The following ITCH variants were observed in gnomAD, a reference collection of about 807,000 sequenced individuals.
ITCH encodes the protein itchy E3 ubiquitin protein ligase.
Under a neutral mutation model 126.8 loss-of-function variants are expected in ITCH, and 28 were observed. That is an observed-to-expected ratio of 0.22 (90% CI 0.16 to 0.30). The LOEUF is 0.30. ITCH is among the 10% of genes least tolerant of loss of function. The pLI, the probability that ITCH is intolerant of heterozygous loss-of-function variation, is 1.00. For synonymous variants in ITCH, 342 were observed against 340.0 expected (o/e 1.01, Z -0.06); for missense variants, 631 against 1,032.4 (o/e 0.61, Z 5.33).
Position 34,371,789 on chromosome 20 carries a change from G to A in ITCH, c.-22+2319G>A, listed in dbSNP as rs1257372211. On this transcript the variant is annotated intron_variant, in intron 2 of 24. Transcript: ENST00000374864. Reference sequence around the variant, plus strand: ...TTGAGCCAACATTCAGGAAACCTGCGTTCTACCATTGGTATTACTGGTCAC... The same window carrying A: ...TTGAGCCAACATTCAGGAAACCTGCATTCTACCATTGGTATTACTGGTCAC... Among the ~76,000 whole-genome samples the A allele has an allele frequency of 4.6e-5, 7 of 152,104 alleles. No homozygotes were observed. In the East Asian group the frequency reaches 5.8e-4, roughly 13 times the overall value.
At chr20:34,406,877 A>C (rs1428088528) in intron 3 of ITCH, among the ~76,000 whole-genome samples, 1 of 151,872 alleles carries the variant, frequency 6.6e-6, no homozygotes, top group Non-Finnish European at 1.5e-5. Flanking sequence ...TCCTCTGACA[A>C]CTCCAAGGGT....
chr20:34,418,880 G>C (rs1477121184), intron 6 of ITCH, among the ~76,000 whole-genome samples: 1 of 149,304 alleles, frequency 6.7e-6, no homozygotes, highest in East Asian at 2.0e-4. Context: ...TCCTGCCTCA[G>C]CCTCCCAAGT....
intron 11 of ITCH, among the ~76,000 whole-genome samples, chr20:34,447,497 A>C (rs1240040611): frequency 2.0e-5 from 3 of 152,166 alleles, no homozygotes; most frequent in Non-Finnish European, 1.5e-5. Context: ...ACTGTCATAC[A>C]CCCAGCATTT....
chr20:34,430,105 G>A (rs1370970572), intron 7 of ITCH, among the ~76,000 whole-genome samples: 1 of 152,214 alleles, frequency 6.6e-6, no homozygotes, highest in Admixed American at 6.5e-5. Context: ...TTATATGATA[G>A]ACACTATGCT....
chr20:34,378,069 G>A (rs1446000844), intron 2 of ITCH, among the ~76,000 whole-genome samples: 1 of 150,438 alleles, frequency 6.6e-6, no homozygotes, highest in African/African-American at 2.4e-5. Flanking sequence ...CTCATTCTTG[G>A]CCAAATACAA....
intron 7 of ITCH, among the ~76,000 whole-genome samples, chr20:34,432,870 T>A (rs556046820): frequency 6.6e-6 from 1 of 152,270 alleles, no homozygotes; most frequent in South Asian, 2.1e-4. Flanking sequence ...GTCAGGAGAA[T>A]CTGTGGAACC....
intron 13 of ITCH, among the ~76,000 whole-genome samples, chr20:34,460,179 TTTGTTGTTG>T (rs11467826): frequency 3.2e-4 from 48 of 150,448 alleles, no homozygotes; most frequent in African/African-American, 1.1e-3. Context: ...TGAATACAGG[TTTGTTGTTG>T]TTGTTGTTGT....
chr20:34,431,552 C>G (rs545225100), intron 7 of ITCH, among the ~76,000 whole-genome samples: 61 of 152,016 alleles, frequency 4.0e-4, no homozygotes, highest in South Asian at 3.9e-3. Context: ...CTGAGATAAC[C>G]TTAGAAATCA....
intron 14 of ITCH, among the ~76,000 whole-genome samples, chr20:34,464,611 A>G (rs2146387969): frequency 6.6e-6 from 1 of 151,876 alleles, no homozygotes; most frequent in East Asian, 1.9e-4. Context: ...ACAGATGTGA[A>G]GCTCCGCGCC....
chr20:34,445,318 A>G lies in ITCH; in HGVS notation c.997A>G (p.Ile333Val). ...ACGGCGGGTTGACAACATGGGACGT[A>G]TTTATTATGTTGACCATTTCACAAG... ...WERRVDNMGR[I>V]YYVDHFTRTT... The change falls in exon 11 of 25, where the codon ATT becomes GTT. Residue 333 changes from isoleucine to valine, a missense_variant. By Grantham distance (29) the Ile-to-Val change is conservative (BLOSUM62 3). Coordinates refer to ENST00000374864, the MANE Select transcript of ITCH (RefSeq NM_031483.7). The G allele has an allele frequency of 6.3e-7, 1 of 1,586,934 alleles. No individual in the cohort carries two copies. Among genetic ancestry groups the G allele is most frequent in the South Asian group, 1.1e-5 (1 of 90,380 alleles).
chr20:34,507,663 C>G (rs1435848853), intron 24 of ITCH, 32 bp from the exon 25 acceptor site: 1 of 1,538,254 alleles, frequency 6.5e-7, no homozygotes. Context: ...TTGCATATTT[C>G]CTTTTCTCAA....
chr20:34,441,076 G>C (rs892861436), intron 9 of ITCH, among the ~76,000 whole-genome samples: 3 of 152,018 alleles, frequency 2.0e-5, no homozygotes, highest in African/African-American at 7.2e-5. Context: ...TTCGAGACCA[G>C]CCTGGCCAAC....
intron 6 of ITCH, among the ~76,000 whole-genome samples, chr20:34,417,703 CTTTTTTTTTTTT>C (rs77967776): frequency 3.7e-5 from 4 of 109,308 alleles, no homozygotes; most frequent in Non-Finnish European, 5.3e-5. Context: ...CCTGGCCCAG[CTTTTTTTTTTTT>C]TTTTTTTTTT....
At chr20:34,394,389 A>G (rs2146078585) in intron 3 of ITCH, among the ~76,000 whole-genome samples, 1 of 152,122 alleles carries the variant, frequency 6.6e-6, no homozygotes, top group East Asian at 1.9e-4. Flanking sequence ...GTACCTGGGT[A>G]GTTGCTAATT....
chr20:34,497,668 T>C (rs1040396455), intron 23 of ITCH, among the ~76,000 whole-genome samples: 1 of 152,122 alleles, frequency 6.6e-6, no homozygotes, highest in African/African-American at 2.4e-5. Context: ...AACCTCTGCC[T>C]CCCGGGTTCA....
chr20:34,375,761 C>G, intron 2 of ITCH, among the ~76,000 whole-genome samples: 1 of 123,228 alleles, frequency 8.1e-6, no homozygotes, highest in South Asian at 2.6e-4. Flanking sequence ...TTCTATAATC[C>G]CAGCACTTTG....
intron 20 of ITCH, among the ~76,000 whole-genome samples, chr20:34,486,257 C>T (rs1989103450): frequency 6.6e-6 from 1 of 151,484 alleles, no homozygotes; most frequent in Non-Finnish European, 1.5e-5. Context: ...TGGATCCAAA[C>T]GATACTCCCA....
At position 34,507,866 on chromosome 20, in the gene ITCH, T is replaced by C; in HGVS notation, c.*72T>C. On this transcript the variant is annotated 3_prime_UTR_variant, in exon 25 of 25. Transcript: ENST00000374864. Reference sequence around the variant, plus strand: ...TTTGTCCTTCTCTGCCTGTTGCACATCTTGTAAAATTGGACAATGGCTCTT... The same window carrying C: ...TTTGTCCTTCTCTGCCTGTTGCACACCTTGTAAAATTGGACAATGGCTCTT... The C allele has an allele frequency of 8.9e-7, 1 of 1,121,454 alleles. No homozygotes were observed. The allele number at this position is 1,121,454 out of a possible 1,614,324, so 69.5% of individuals were successfully genotyped here. A position where few individuals can be genotyped will look rare whatever the true frequency, so the allele number is the denominator to read the frequency against.
intron 3 of ITCH, among the ~76,000 whole-genome samples, chr20:34,400,098 C>T (rs557987852): frequency 6.6e-6 from 1 of 152,078 alleles, no homozygotes; most frequent in South Asian, 2.1e-4. Flanking sequence ...GCCACCAAGC[C>T]CAGCTGATTT....
Sources: gnomAD v4.1 joint callset for allele counts (sites outside exome capture counted in the v4.1 genomes callset) on GRCh38, gnomAD v4.1.1 for gene constraint, MANE v1.5 for transcripts, NCBI Gene and HGNC (gene_info 2026-07-23, HGNC 2026-07-21) for gene names.